NQO1: variants seen among roughly 807,000 people sequenced by gnomAD.
NQO1 encodes the protein NAD(P)H quinone dehydrogenase 1.
In NQO1, 30 loss-of-function variants were observed where a neutral mutation model predicts 32.1. That is an observed-to-expected ratio of 0.94 (90% CI 0.70 to 1.27). The LOEUF (loss-of-function observed/expected upper bound fraction) is 1.27, where lower values mean the gene tolerates loss of function less well. Ranked by LOEUF, NQO1 falls within the 50% of genes most tolerant of loss-of-function variation. The probability of loss-of-function intolerance (pLI) is 0.00; values close to 1 mark genes in which losing one functional copy is unlikely to be tolerated. For missense variants in NQO1, 276 were observed against 331.3 expected (o/e 0.83, Z 1.30); for synonymous variants, 109 against 119.7 (o/e 0.91, Z 0.59).
chr16:69,719,911 G>A (rs780424095), intron 1 of NQO1, among the ~76,000 whole-genome samples: 13 of 152,126 alleles, frequency 8.5e-5, no homozygotes, highest in Non-Finnish European at 1.6e-4. Flanking sequence ...CCAGGAGATG[G>A]AGACCAGCAT....
intron 1 of NQO1, among the ~76,000 whole-genome samples, chr16:69,723,471 A>C (rs2038220044): frequency 6.6e-6 from 1 of 152,128 alleles, no homozygotes; most frequent in Non-Finnish European, 1.5e-5. Context: ...GAATAGGTAG[A>C]TCCCCAAAAC....
chr16:69,713,011 A>G lies in NQO1; in HGVS notation c.519+17T>C, dbSNP rs763224211. 3.7e-5 allele frequency: 59 copies of G among 1,600,656 alleles called. No homozygotes were observed. The highest frequency in any genetic ancestry group is 5.0e-5 in the Non-Finnish European group (58 of 1,169,906). On this transcript the variant is annotated intron_variant, in intron 5 of 5. Coordinates refer to ENST00000320623, the MANE Select transcript of NQO1 (RefSeq NM_000903.3). ...CCGTCTCAAAGAAAAAAAAGAAAAG[A>G]AAAGAAAATGAGGTACCTGAATTGG...
chr16:69,726,484 G>A lies in NQO1; in HGVS notation c.-45C>T. 1 of 1,602,714 alleles carries A rather than the reference G, an allele frequency of 6.2e-7. No individual in the cohort carries two copies. The highest frequency in any genetic ancestry group is 8.5e-7 in the Non-Finnish European group (1 of 1,177,834). Reference sequence around the variant, plus strand: ...GCGCTGATTGGCTGGGCTCGTGGTTGCCGGGGCGACCCTGGCCGGAACTAG... The same window carrying A: ...GCGCTGATTGGCTGGGCTCGTGGTTACCGGGGCGACCCTGGCCGGAACTAG... On this transcript the variant is annotated 5_prime_UTR_variant, in exon 1 of 6. Coordinates refer to ENST00000320623, the MANE Select transcript of NQO1 (RefSeq NM_000903.3).
chr16:69,710,947 T>A lies in NQO1; in HGVS notation c.*29A>T, dbSNP rs201641664. 30 of 1,589,482 alleles carry A rather than the reference T, an allele frequency of 1.9e-5. No individual in the cohort carries two copies. In the East Asian group the frequency reaches 6.5e-4, roughly 34 times the overall value. On this transcript the variant is annotated 3_prime_UTR_variant, in exon 6 of 6. Transcript: ENST00000320623. ...GGAAAGATACCCAGATTTGATAACA[T>A]GTTAGAAGGAAATCCAGGCTAAGGA...
Position 69,709,696 on chromosome 16 carries a change from G to GTGTT in NQO1, c.*1276_*1279dup. 2.5e-6 allele frequency: 1 copy of GTGTT among 398,106 alleles called. No homozygotes were observed. Among genetic ancestry groups the GTGTT allele is most frequent in the Non-Finnish European group, 4.4e-6 (1 of 225,814 alleles). The allele number at this position is 398,106 out of a possible 1,614,324, so 24.7% of individuals were successfully genotyped here. A position where few individuals can be genotyped will look rare whatever the true frequency, so the allele number is the denominator to read the frequency against. On this transcript the variant is annotated 3_prime_UTR_variant, in exon 6 of 6. Coordinates refer to ENST00000320623, the MANE Select transcript of NQO1 (RefSeq NM_000903.3). ...TCTTTCAATGCACCACAAGAGGGCA[G>GTGTT]TGTTTTATCATATTCTCCTTGAATT...
intron 3 of NQO1, among the ~76,000 whole-genome samples, chr16:69,717,706 G>GCCTCAGCCTCCAGAGTAGCTGGGA (rs1192443077): frequency 6.6e-6 from 1 of 151,464 alleles, no homozygotes; most frequent in Non-Finnish European, 1.5e-5. Flanking sequence ...TCCACCTCCC[G>GCCTCAGCCTCCAGAGTAGCTGGGA]GGTTCAAGTG....
intron 1 of NQO1, among the ~76,000 whole-genome samples, chr16:69,720,007 C>T (rs1324527781): frequency 2.6e-5 from 4 of 152,102 alleles, no homozygotes; most frequent in Admixed American, 1.3e-4. Context: ...AATTCCAGCA[C>T]TTTGGGAGGC....
intron 4 of NQO1, among the ~76,000 whole-genome samples, chr16:69,713,500 C>CA (rs1567630430): frequency 6.6e-6 from 1 of 152,098 alleles, no homozygotes; most frequent in African/African-American, 2.4e-5. Context: ...TGGAAGGTCT[C>CA]GAAGGGTTCC....
intron 1 of NQO1, among the ~76,000 whole-genome samples, chr16:69,720,813 A>G (rs2038179154): frequency 6.6e-6 from 1 of 152,170 alleles, no homozygotes; most frequent in Admixed American, 6.6e-5. Flanking sequence ...GCATGCTTCA[A>G]TTTGCAAGAA....
At chr16:69,726,079 T>A (rs1428390695) in intron 1 of NQO1, among the ~76,000 whole-genome samples, 1 of 152,232 alleles carries the variant, frequency 6.6e-6, no homozygotes, top group Non-Finnish European at 1.5e-5. Flanking sequence ...TCAAAGTGTT[T>A]TAGATACTAT....
intron 3 of NQO1, among the ~76,000 whole-genome samples, chr16:69,717,296 C>T (rs575698917): frequency 2.9e-4 from 44 of 152,264 alleles, no homozygotes; most frequent in African/African-American, 9.6e-4. Context: ...GGCAGCTTCC[C>T]GAAGAAGAAA....
rs778022006 is a variant in NQO1, at chr16:69,718,105, T to G, written c.303+18A>C. The G allele has an allele frequency of 1.2e-6, 2 of 1,613,802 alleles. No homozygotes were observed. Among genetic ancestry groups the G allele is most frequent in the East Asian group, 4.5e-5 (2 of 44,886 alleles). ...GCACGCAAATGTCCCTGACACCCCT[T>G]CCGATGTCCCCCCATACCTGGAATA... On this transcript the variant is annotated intron_variant, in intron 3 of 5. Coordinates refer to ENST00000320623, the MANE Select transcript of NQO1 (RefSeq NM_000903.3).
intron 3 of NQO1, among the ~76,000 whole-genome samples, chr16:69,717,500 A>T (rs76841725): frequency 7.4e-5 from 3 of 40,762 alleles, no homozygotes; most frequent in African/African-American, 1.6e-4. Context: ...TCGCTAACTG[A>T]AGGAATCGCT....
chr16:69,712,154 C>T (rs902129372), intron 5 of NQO1, among the ~76,000 whole-genome samples: 7 of 152,064 alleles, frequency 4.6e-5, no homozygotes, highest in African/African-American at 1.7e-4. Context: ...GTGGTGTGAT[C>T]ATAGCTCATT....
chr16:69,718,821 G>C (rs1334299229), intron 1 of NQO1, among the ~76,000 whole-genome samples: 1 of 152,084 alleles, frequency 6.6e-6, no homozygotes, highest in Admixed American at 6.6e-5. Flanking sequence ...GATCACCTGA[G>C]GTCAGGAGTT....
intron 4 of NQO1, 51 bp downstream of exon 4, chr16:69,714,913 G>A: frequency 7.7e-7 from 1 of 1,303,834 alleles, no homozygotes; most frequent in Non-Finnish European, 1.1e-6. Flanking sequence ...CCTGCATCAG[G>A]ACAGACCACC....
chr16:69,716,321 C>T (rs2038112894), intron 3 of NQO1, among the ~76,000 whole-genome samples: 2 of 151,654 alleles, frequency 1.3e-5, no homozygotes, highest in East Asian at 3.9e-4. Context: ...ATGGGGAAAC[C>T]CTGTTTCTAC....
At chr16:69,712,552 C>A (rs1428343402) in intron 5 of NQO1, among the ~76,000 whole-genome samples, 1 of 152,194 alleles carries the variant, frequency 6.6e-6, no homozygotes, top group Non-Finnish European at 1.5e-5. Flanking sequence ...CACACACAGG[C>A]ACCTGGGAAG....
At chr16:69,717,450 A>G (rs1014463610) in intron 3 of NQO1, among the ~76,000 whole-genome samples, 1 of 152,160 alleles carries the variant, frequency 6.6e-6, no homozygotes, top group African/African-American at 2.4e-5. Context: ...GAGAACTGCA[A>G]ATTTTGAGAG....
Sources: allele counts gnomAD v4.1 joint callset (sites outside exome capture counted in the v4.1 genomes callset), GRCh38; gene constraint gnomAD v4.1.1; transcripts MANE v1.5; gene names NCBI Gene and HGNC (gene_info 2026-07-23, HGNC 2026-07-21).